Variants in TRPC5 observed in about 807,000 individuals in gnomAD.
TRPC5 encodes the protein short transient receptor potential channel 5.
A neutral mutation model predicts 56.5 loss-of-function variants in TRPC5; 9 were observed. The observed-to-expected ratio is 0.16, with a 90% CI of 0.10 to 0.28. The LOEUF is 0.28. Among genes scored for constraint, TRPC5 ranks in the 10% least tolerant of loss-of-function variants. The pLI, the probability that TRPC5 is intolerant of heterozygous loss-of-function variation, is 1.00. For missense variants in TRPC5, 469 were observed against 748.9 expected (o/e 0.63, Z 4.36); for synonymous variants, 282 against 278.5 (o/e 1.01, Z -0.13).
rs755719667 is a variant in TRPC5 at position 111,827,108 on chromosome X, A to C, written c.1896+7813T>G. Among the ~76,000 whole-genome samples the C allele has an allele frequency of 1.9e-4, 21 of 111,689 alleles. No individual in the cohort carries two copies. In the South Asian group the frequency reaches 7.2e-3, roughly 38 times the overall value. On this transcript the variant is annotated intron_variant, in intron 7 of 10. Coordinates refer to ENST00000262839, the MANE Select transcript of TRPC5 (RefSeq NM_012471.3). ...ACTTACTAGCATATGACTTATTAGCATATTGGGAATAATATAGTATTATAA... is the reference window on the plus strand; with the variant it reads ...ACTTACTAGCATATGACTTATTAGCCTATTGGGAATAATATAGTATTATAA...
At chrX:111,926,990 A>G (rs779597992) in intron 2 of TRPC5, among the ~76,000 whole-genome samples, 92 of 112,326 alleles carry the variant, frequency 8.2e-4, no homozygotes, top group African/African-American at 2.9e-3. Flanking sequence ...GTGGTCTAGG[A>G]GGAAGGTGAT....
chrX:111,948,522 A>G (rs1173508095), intron 2 of TRPC5, among the ~76,000 whole-genome samples: 1 of 110,862 alleles, frequency 9.0e-6, no homozygotes, highest in Non-Finnish European at 1.9e-5. Context: ...GCCTGAGCTC[A>G]GGAGTTCGAG....
At chrX:111,860,414 T>C (rs1923374095) in intron 3 of TRPC5, among the ~76,000 whole-genome samples, 1 of 112,557 alleles carries the variant, frequency 8.9e-6, no homozygotes, top group Admixed American at 9.4e-5. Flanking sequence ...TTTATTCTAT[T>C]TTATTAACCT....
intron 5 of TRPC5, among the ~76,000 whole-genome samples, chrX:111,850,798 G>C (rs1923063468): frequency 8.9e-6 from 1 of 111,909 alleles, no homozygotes; most frequent in Admixed American, 9.5e-5. Flanking sequence ...AGCTAATGTT[G>C]AGAATCTACA....
At chrX:112,026,796 C>T (rs182770245) in intron 1 of TRPC5, among the ~76,000 whole-genome samples, 1,567 of 109,429 alleles carry the variant, frequency 0.014, 34 homozygotes, top group African/African-American at 0.049. Flanking sequence ...TTCTTAATGG[C>T]GGTGATTGTG....
chrX:111,840,370 T>C (rs1335331464), intron 6 of TRPC5, among the ~76,000 whole-genome samples: 1 of 112,078 alleles, frequency 8.9e-6, no homozygotes, highest in Non-Finnish European at 1.9e-5. Context: ...TTATGATAGC[T>C]AATACAATGA....
intron 2 of TRPC5, among the ~76,000 whole-genome samples, chrX:111,928,421 CAT>C (rs759581865): frequency 4.5e-5 from 5 of 111,882 alleles, no homozygotes; most frequent in African/African-American, 9.8e-5. Context: ...CCTTTACTCA[CAT>C]GTTTCCCTCT....
In TRPC5 at chrX:111,768,845, C is replaced by A. The variant is rs193287075; in HGVS notation, c.*7468G>T. Among the ~76,000 whole-genome samples the A allele has an allele frequency of 2.7e-4, 30 of 111,674 alleles. No homozygotes were observed. The highest frequency in any genetic ancestry group is 4.9e-4 in the Non-Finnish European group (26 of 53,090). On this transcript the variant is annotated 3_prime_UTR_variant, in exon 11 of 11. Coordinates refer to ENST00000262839, the MANE Select transcript of TRPC5 (RefSeq NM_012471.3). ...AGACACTTGAGAATTCTGGCTGCTT[C>A]TCCTGCCCACGTACACTAAGCACAG...
At chrX:112,078,521 G>A (rs1488604801) in intron 1 of TRPC5, among the ~76,000 whole-genome samples, 2 of 111,272 alleles carry the variant, frequency 1.8e-5, no homozygotes, top group South Asian at 3.8e-4. Context: ...GAAATGAGAG[G>A]ATTGACCCCT....
At chrX:111,882,016 G>A (rs1224159895) in intron 3 of TRPC5, 3 of 110,148 alleles carry the variant, frequency 2.7e-5, no homozygotes, top group Non-Finnish European at 5.7e-5. Context: ...AGTGTGGTAA[G>A]GTAGGTAAGA....
chrX:111,795,403 T>G (rs1307057729), intron 7 of TRPC5, among the ~76,000 whole-genome samples: 1 of 111,504 alleles, frequency 9.0e-6, no homozygotes, highest in East Asian at 2.8e-4. Flanking sequence ...TCAATTGATA[T>G]GATCATGGGC....
intron 3 of TRPC5, among the ~76,000 whole-genome samples, chrX:111,857,645 CTG>C (rs1172503566): frequency 8.9e-6 from 1 of 112,682 alleles, no homozygotes; most frequent in African/African-American, 3.2e-5. Context: ...CACACTGTCA[CTG>C]TTGTAGCTAC....
chrX:112,034,342 T>A (rs1929670537), intron 1 of TRPC5, among the ~76,000 whole-genome samples: 1 of 109,242 alleles, frequency 9.2e-6, no homozygotes, highest in Admixed American at 9.8e-5. Context: ...GTTTTTGGTA[T>A]AACACTTGCA....
intron 3 of TRPC5, among the ~76,000 whole-genome samples, chrX:111,904,187 G>T (rs187397483): frequency 1.3e-4 from 15 of 112,245 alleles, no homozygotes; most frequent in Admixed American, 7.6e-4. Flanking sequence ...CAAAATGAGG[G>T]TTATTAATAA....
intron 1 of TRPC5, among the ~76,000 whole-genome samples, chrX:112,069,526 A>G (rs928908765): frequency 1.8e-5 from 2 of 112,158 alleles, no homozygotes; most frequent in African/African-American, 3.2e-5. Flanking sequence ...AGGAAGTCTG[A>G]ATGGAATCTT....
intron 3 of TRPC5, among the ~76,000 whole-genome samples, chrX:111,870,844 T>C (rs1923732245): frequency 8.9e-6 from 1 of 111,735 alleles, no homozygotes; most frequent in South Asian, 3.8e-4. Flanking sequence ...TGTCCAGTTT[T>C]TAAGGGTCAA....
chrX:111,987,282 T>C (rs1928235630), intron 1 of TRPC5, among the ~76,000 whole-genome samples: 1 of 111,922 alleles, frequency 8.9e-6, no homozygotes, highest in Admixed American at 9.5e-5. Flanking sequence ...AGTGAGGCAA[T>C]TGTTACTTTT....
chrX:112,042,282 C>G (rs186232555), intron 1 of TRPC5, among the ~76,000 whole-genome samples: 87 of 111,530 alleles, frequency 7.8e-4, no homozygotes, highest in African/African-American at 2.7e-3. Context: ...CCGTTAAATG[C>G]AGGATCCGCG....
Position 111,912,664 on chromosome X carries a change from C to T in TRPC5, c.527G>A (p.Cys176Tyr). Residue 176 changes from cysteine (C) to tyrosine (Y), a missense_variant, in exon 3 of 11, where the codon TGC (cysteine) becomes TAC (tyrosine). Coordinates refer to ENST00000262839, the MANE Select transcript of TRPC5 (RefSeq NM_012471.3). ...VTIPRPHQIR[C>Y]NCVECVSSSE... ...ACTAGACACACACTCCACACAGTTG[C>T]AGCGGATCTGGTGGGGCCGTGGGAT... 1 of 1,211,317 alleles carries T rather than the reference C, an allele frequency of 8.3e-7. No individual in the cohort carries two copies. Among genetic ancestry groups the T allele is most frequent in the Non-Finnish European group, 1.1e-6 (1 of 895,494 alleles).
Sources: allele counts gnomAD v4.1 joint callset (sites outside exome capture counted in the v4.1 genomes callset), GRCh38; gene constraint gnomAD v4.1.1; transcripts MANE v1.5; gene names NCBI Gene and HGNC (gene_info 2026-07-23, HGNC 2026-07-21).